CRACD: variants seen among roughly 807,000 people sequenced by gnomAD.
The protein encoded by CRACD is capping protein inhibiting regulator of actin dynamics.
In CRACD, 56 loss-of-function variants were observed where a neutral mutation model predicts 106.8. The ratio of observed to expected loss-of-function variants is 0.52; its 90% CI spans 0.42 to 0.66. The LOEUF (loss-of-function observed/expected upper bound fraction) is 0.66. Ranked by LOEUF, CRACD falls within the 30% of genes least tolerant of loss-of-function variation. The pLI, the probability that CRACD is intolerant of heterozygous loss-of-function variation, is 0.00. For synonymous variants in CRACD, 754 were observed against 670.8 expected (o/e 1.12, Z -1.92); for missense variants, 1,730 against 1,623.2 (o/e 1.07, Z -1.13).
In CRACD at chr4:56,314,324, C is replaced by G; in HGVS notation, c.822C>G (p.Gly274=). 2 of 1,550,728 alleles carry G rather than the reference C, an allele frequency of 1.3e-6. No individual in the cohort carries two copies. The highest frequency in any genetic ancestry group is 1.7e-6 in the Non-Finnish European group (2 of 1,147,100). Residue 274 remains glycine (G), a synonymous_variant, in exon 8 of 11, where the codon GGC becomes GGG. Coordinates refer to ENST00000682029, the MANE Select transcript of CRACD (RefSeq NM_001393381.1). This position sits in a 1 kb window ranked among gnomAD's most constrained non-coding sequence, Gnocchi z 4.4. ...GGCAGGAGCTCTTGGAGGAGGAGGG[C>G]GAGGGGCAGGAGCCGCCTCTAGAGG... The part of the protein sequence containing the change: ...NRRQELLEEE[G]EGQEPPLEAE...
At position 56,324,177 on chromosome 4, in the gene CRACD, C is replaced by T. The variant is rs1421214034; in HGVS notation, c.3452C>T (p.Pro1151Leu). Residue 1151 changes from proline (P) to leucine (L), a missense_variant, in exon 10 of 11, where the codon CCA becomes CTA. Pro to Leu is a moderately conservative substitution (Grantham distance 98). Around this residue, in one of 5 missense-constraint regions of CRACD, gnomAD observed 89 missense variants for 89.6 expected, o/e 0.99. Coordinates refer to ENST00000682029, the MANE Select transcript of CRACD (RefSeq NM_001393381.1). The part of the protein sequence containing the change: ...AGSLHKSTAL[P>L]EEKRPETAVS... Reference sequence around the variant, plus strand: ...TCCCTGCACAAGTCCACTGCTCTGCCAGAAGAGAAGAGGCCCGAGACTGCA... The same window carrying T: ...TCCCTGCACAAGTCCACTGCTCTGCTAGAAGAGAAGAGGCCCGAGACTGCA... The T allele has an allele frequency of 6.2e-7, 1 of 1,614,136 alleles. No homozygotes were observed. Among genetic ancestry groups the T allele is most frequent in the Non-Finnish European group, 8.5e-7 (1 of 1,179,966 alleles).
chr4:56,148,153 CTGT>C (rs969342527), intron 1 of CRACD, among the ~76,000 whole-genome samples: 1 of 152,120 alleles, frequency 6.6e-6, no homozygotes, highest in Non-Finnish European at 1.5e-5. Flanking sequence ...AAATAAATTC[CTGT>C]TGTTTAAGAC....
At chr4:56,172,020 C>CTCTTTTTTTTT (rs1348900332) in intron 1 of CRACD, among the ~76,000 whole-genome samples, 1 of 106,372 alleles carries the variant, frequency 9.4e-6, no homozygotes, top group Non-Finnish European at 1.9e-5. Context: ...GAGGGTTTCT[C>CTCTTTTTTTTT]TTTTTTTTTT....
rs545506498 is a variant in CRACD, at chr4:56,214,681, C to CTATATATATATATATA, written c.-189+35266_-189+35267insATATATATATATATAT. Among the ~76,000 whole-genome samples the CTATATATATATATATA allele has an allele frequency of 9.9e-4, 80 of 80,806 alleles. 2 individuals are homozygous for CTATATATATATATATA. Among genetic ancestry groups the CTATATATATATATATA allele is most frequent in the African/African-American group, 1.5e-3 (36 of 23,476 alleles). 53.0% of individuals were successfully genotyped at this position (80,806 alleles called of 152,430 possible). On this transcript the variant is annotated intron_variant, in intron 2 of 10. Coordinates refer to ENST00000682029, the MANE Select transcript of CRACD (RefSeq NM_001393381.1). ...TCTCTCTCTCTCTCTCTCTCTCTCT[C>CTATATATATATATATA]TATATATATATATATCAAACAGTTA...
intron 1 of CRACD, among the ~76,000 whole-genome samples, chr4:56,130,671 T>C (rs1166866768): frequency 1.3e-5 from 2 of 152,244 alleles, no homozygotes; most frequent in Admixed American, 1.3e-4. Context: ...GATTTGCTCA[T>C]CTACTAGTTG....
At chr4:56,126,024 G>A (rs995429134) in intron 1 of CRACD, among the ~76,000 whole-genome samples, 1 of 151,910 alleles carries the variant, frequency 6.6e-6, no homozygotes, top group African/African-American at 2.4e-5. Context: ...TGCTCACCTC[G>A]GCCTCCCAAA....
chr4:56,152,102 C>T (rs1217950017), intron 1 of CRACD, among the ~76,000 whole-genome samples: 4 of 151,478 alleles, frequency 2.6e-5, no homozygotes, highest in South Asian at 2.1e-4. Flanking sequence ...CTCCACCTCC[C>T]GGGTTCACTC....
intron 1 of CRACD, among the ~76,000 whole-genome samples, chr4:56,161,337 G>GA (rs1286391659): frequency 2.0e-5 from 3 of 150,070 alleles, no homozygotes; most frequent in African/African-American, 4.9e-5. Flanking sequence ...TGAGGTTAAG[G>GA]AAAAAAAAAG....
intron 3 of CRACD, among the ~76,000 whole-genome samples, chr4:56,274,456 T>C (rs988345954): frequency 7.9e-5 from 9 of 114,468 alleles, no homozygotes; most frequent in African/African-American, 8.4e-5. Context: ...TATTGAGCCA[T>C]GTTGGACTCT....
At chr4:56,206,182 C>A (rs924431249) in intron 2 of CRACD, among the ~76,000 whole-genome samples, 5 of 152,144 alleles carry the variant, frequency 3.3e-5, no homozygotes, top group African/African-American at 1.2e-4. Context: ...GTAAGCTTGA[C>A]CATGAAGAGC....
intron 1 of CRACD, among the ~76,000 whole-genome samples, chr4:56,119,954 A>T (rs769801621): frequency 6.6e-6 from 1 of 152,060 alleles, no homozygotes; most frequent in African/African-American, 2.4e-5. Flanking sequence ...CCACCATCCC[A>T]TAGCTGACTC....
At chr4:56,222,688 G>A (rs1412008366) in intron 2 of CRACD, among the ~76,000 whole-genome samples, 1 of 152,076 alleles carries the variant, frequency 6.6e-6, no homozygotes, top group Non-Finnish European at 1.5e-5. Flanking sequence ...AGTCATCCCT[G>A]TAATCCCAGC....
chr4:56,078,769 C>A (rs1732925618), intron 1 of CRACD, among the ~76,000 whole-genome samples: 1 of 152,110 alleles, frequency 6.6e-6, no homozygotes, highest in South Asian at 2.1e-4. Flanking sequence ...TCTCCATTGA[C>A]CAGTTCTCAT....
chr4:56,301,158 A>AT (rs74499702), intron 4 of CRACD: 6,054 of 974,318 alleles, frequency 6.2e-3, no homozygotes, highest in Non-Finnish European at 6.8e-3. Context: ...AGAAAATGTG[A>AT]TTTTTTTTTT....
chr4:56,162,786 T>C (rs1303648296), intron 1 of CRACD, among the ~76,000 whole-genome samples: 1 of 152,224 alleles, frequency 6.6e-6, no homozygotes, highest in East Asian at 1.9e-4. Flanking sequence ...AGTAACAGTT[T>C]ACAATTTAGA....
intron 1 of CRACD, among the ~76,000 whole-genome samples, chr4:56,147,167 A>C (rs1735416939): frequency 6.6e-6 from 1 of 152,144 alleles, no homozygotes; most frequent in Admixed American, 6.5e-5. Context: ...GGTTTGTTTC[A>C]AAATTGGCCC....
chr4:56,271,297 G>A (rs1376739024), intron 2 of CRACD, among the ~76,000 whole-genome samples: 1 of 152,138 alleles, frequency 6.6e-6, no homozygotes, highest in East Asian at 1.9e-4. Flanking sequence ...GGACTGAAAG[G>A]TATTACCTAA....
chr4:56,272,486 A>G lies in CRACD; in HGVS notation c.-23A>G, dbSNP rs1185193488. ...TCGGATGAGGAGACCCTGGAAGACA[A>G]TCTAAGGTAATAACTTGCACTTTCC... On this transcript the variant is annotated 5_prime_UTR_variant, in exon 3 of 11. Transcript: ENST00000682029. 1.3e-5 allele frequency: 2 copies of G among 152,648 alleles called. No homozygotes were observed. Among genetic ancestry groups the G allele is most frequent in the East Asian group, 3.9e-4 (2 of 5,192 alleles). The allele number at this position is 152,648 out of a possible 1,614,324, so 9.5% of individuals were successfully genotyped here.
chr4:56,106,430 C>T (rs1391753129), intron 1 of CRACD, among the ~76,000 whole-genome samples: 1 of 152,228 alleles, frequency 6.6e-6, no homozygotes. Context: ...TTTAAAAGCA[C>T]TCATCCTTAT....
Sources: gnomAD v4.1 joint callset for allele counts (sites outside exome capture counted in the v4.1 genomes callset) on GRCh38, gnomAD v4.1.1 for gene constraint, gnomAD v4.1.1 regional missense constraint, Gnocchi (gnomAD v3.1) non-coding constraint, MANE v1.5 for transcripts, NCBI Gene and HGNC (gene_info 2026-07-23, HGNC 2026-07-21) for gene names.